The following MRPS27 variants were observed in gnomAD, a reference collection of about 807,000 sequenced individuals.
The protein encoded by MRPS27 is mitochondrial ribosomal protein S27, also known as small ribosomal subunit protein mS27.
MRPS27 carries 43 observed loss-of-function variants against 48.9 expected under a neutral mutation model. The ratio of observed to expected loss-of-function variants is 0.88; its 90% CI spans 0.69 to 1.13. The LOEUF (loss-of-function observed/expected upper bound fraction) is 1.13, where lower values mean the gene tolerates loss of function less well. Among genes scored for constraint, MRPS27 ranks in the 50% most tolerant of loss-of-function variants. MRPS27 has a pLI of 0.00. For missense variants in MRPS27, 467 were observed against 476.3 expected (o/e 0.98, Z 0.18); for synonymous variants, 188 against 171.9 (o/e 1.09, Z -0.73).
intron 2 of MRPS27, among the ~76,000 whole-genome samples, chr5:72,298,542 TAAAAATACA>T (rs1478996270): frequency 3.3e-5 from 5 of 151,454 alleles, no homozygotes; most frequent in Non-Finnish European, 5.9e-5. Context: ...CCGTCTCTAC[TAAAAATACA>T]AAAAATTAGC....
intron 4 of MRPS27, chr5:72,288,882 C>T (rs1749747064): frequency 6.6e-6 from 1 of 152,228 alleles, no homozygotes; most frequent in African/African-American, 2.4e-5. Context: ...TAAACGAATG[C>T]ATGCTGTTCC....
Position 72,223,904 on chromosome 5 carries a change from TGGTGAAGAAA to T in MRPS27, c.838-64_838-55del, listed in dbSNP as rs1747824941. 5 of 1,580,660 alleles carry T rather than the reference TGGTGAAGAAA, an allele frequency of 3.2e-6. No individual in the cohort carries two copies. The African/African-American group carries it at 5.4e-5, about 17-fold the overall frequency. On this transcript the variant is annotated intron_variant, in intron 9 of 10. Coordinates refer to ENST00000261413, the MANE Select transcript of MRPS27 (RefSeq NM_015084.3). Reference sequence around the variant, plus strand: ...AAATGTTTTATGGCCCAAAAGCACATGGTGAAGAAAGGCTAGAGAAGGCGAAAGAAAGGAA... The same window carrying T: ...AAATGTTTTATGGCCCAAAAGCACATGGCTAGAGAAGGCGAAAGAAAGGAA...
intron 4 of MRPS27, among the ~76,000 whole-genome samples, chr5:72,248,740 A>C (rs1383138059): frequency 6.6e-6 from 1 of 151,802 alleles, no homozygotes. Context: ...GGCTTAACTG[A>C]AGAAGTTTGA....
At chr5:72,264,549 T>C (rs1247919866) in intron 4 of MRPS27, among the ~76,000 whole-genome samples, 1 of 152,162 alleles carries the variant, frequency 6.6e-6, no homozygotes, top group Non-Finnish European at 1.5e-5. Flanking sequence ...CAAGTTAAGA[T>C]GAGGTCTTTG....
chr5:72,226,212 A>G lies in MRPS27; in HGVS notation c.695-13T>C. Reference sequence around the variant, plus strand: ...AACTCCACCTTCCCTGTGGCCAAAAAGAACAATAAAGAATGCTCAGCCATG... The same window carrying G: ...AACTCCACCTTCCCTGTGGCCAAAAGGAACAATAAAGAATGCTCAGCCATG... On this transcript the variant is annotated splice_polypyrimidine_tract_variant and intron_variant, in intron 8 of 10. Transcript: ENST00000261413. 1 of 1,613,118 alleles carries G rather than the reference A, an allele frequency of 6.2e-7. No homozygotes were observed. The highest frequency in any genetic ancestry group is 8.5e-7 in the Non-Finnish European group (1 of 1,179,278).
At chr5:72,256,336 C>T (rs1253625319) in intron 4 of MRPS27, among the ~76,000 whole-genome samples, 1 of 151,992 alleles carries the variant, frequency 6.6e-6, no homozygotes, top group Non-Finnish European at 1.5e-5. Context: ...ATTTTAAATA[C>T]TTATATGTAT....
At chr5:72,317,575 T>C (rs1750597299) in intron 1 of MRPS27, among the ~76,000 whole-genome samples, 2 of 152,106 alleles carry the variant, frequency 1.3e-5, no homozygotes, top group African/African-American at 4.8e-5. Flanking sequence ...ACAGGGTTTC[T>C]CCATGTTGGC....
rs147967592 is a variant in MRPS27 at position 72,253,590 on chromosome 5, C to T, written c.282-15462G>A. ...CCCTTTCACTTCTAACATCCTTCCA[C>T]CACAAAGGCCAAAAATAAATCACTG... On this transcript the variant is annotated intron_variant, in intron 4 of 10. Coordinates refer to ENST00000261413, the MANE Select transcript of MRPS27 (RefSeq NM_015084.3). 2.0e-5 allele frequency among the ~76,000 whole-genome samples: 3 copies of T among 152,266 alleles called. No homozygotes were observed. In the East Asian group the frequency reaches 5.8e-4, roughly 29 times the overall value.
chr5:72,252,851 G>C (rs1466313387), intron 4 of MRPS27, among the ~76,000 whole-genome samples: 1 of 152,114 alleles, frequency 6.6e-6, no homozygotes. Context: ...AATCCCCATA[G>C]GTCTTTTCTC....
chr5:72,221,170 A>C lies in MRPS27; in HGVS notation c.1006-22T>G, dbSNP rs191340940. The C allele has an allele frequency of 3.7e-6, 6 of 1,611,408 alleles. No individual in the cohort carries two copies. In the East Asian group the frequency reaches 1.3e-4, roughly 36 times the overall value. Reference sequence around the variant, plus strand: ...AGGCCTGTTGGAAACAAATGGGAAAAATGAGAAGAAAGGTAGAGAAGTGAG... The same window carrying C: ...AGGCCTGTTGGAAACAAATGGGAAACATGAGAAGAAAGGTAGAGAAGTGAG... On this transcript the variant is annotated intron_variant, in intron 10 of 10. Coordinates refer to ENST00000261413, the MANE Select transcript of MRPS27 (RefSeq NM_015084.3).
chr5:72,304,480 T>C (rs899390302), intron 2 of MRPS27, among the ~76,000 whole-genome samples: 10 of 152,292 alleles, frequency 6.6e-5, no homozygotes, highest in African/African-American at 2.2e-4. Flanking sequence ...TTGAAAATTA[T>C]TAAAAACACA....
At chr5:72,315,315 T>C (rs1449219692) in intron 1 of MRPS27, among the ~76,000 whole-genome samples, 3 of 151,986 alleles carry the variant, frequency 2.0e-5, no homozygotes, top group East Asian at 3.9e-4. Context: ...TAAAAACATA[T>C]ATACACTGAG....
intron 4 of MRPS27, among the ~76,000 whole-genome samples, chr5:72,278,857 T>G (rs2112030007): frequency 6.6e-6 from 1 of 152,338 alleles, no homozygotes; most frequent in Admixed American, 6.5e-5. Context: ...GGTATTCCAT[T>G]GTAAAAAAAA....
At chr5:72,270,666 T>C (rs537068683) in intron 4 of MRPS27, among the ~76,000 whole-genome samples, 1 of 152,212 alleles carries the variant, frequency 6.6e-6, no homozygotes, top group Non-Finnish European at 1.5e-5. Flanking sequence ...TGTGACATTA[T>C]ACAATCCTGA....
At chr5:72,311,373 C>T (rs930979740) in intron 2 of MRPS27, among the ~76,000 whole-genome samples, 1 of 152,162 alleles carries the variant, frequency 6.6e-6, no homozygotes, top group South Asian at 2.1e-4. Flanking sequence ...AAAATGGTAA[C>T]GACAGGTGAA....
At chr5:72,264,583 C>T (rs998797996) in intron 4 of MRPS27, among the ~76,000 whole-genome samples, 1 of 151,966 alleles carries the variant, frequency 6.6e-6, no homozygotes, top group Non-Finnish European at 1.5e-5. Context: ...GGGCTTAATC[C>T]AATACAATTG....
chr5:72,257,715 G>T (rs1483837381), intron 4 of MRPS27, among the ~76,000 whole-genome samples: 1 of 150,824 alleles, frequency 6.6e-6, no homozygotes, highest in Non-Finnish European at 1.5e-5. Flanking sequence ...TTTAAAAATG[G>T]CTATCTCAGT....
chr5:72,292,383 G>T (rs1268087068), intron 4 of MRPS27, among the ~76,000 whole-genome samples: 1 of 151,898 alleles, frequency 6.6e-6, no homozygotes, highest in East Asian at 1.9e-4. Context: ...ATAGACCACG[G>T]CCCAAATAAA....
chr5:72,254,386 T>C (rs1748740360), intron 4 of MRPS27, among the ~76,000 whole-genome samples: 1 of 151,786 alleles, frequency 6.6e-6, no homozygotes, highest in Non-Finnish European at 1.5e-5. Context: ...CATATATTAA[T>C]ATGTATAGAA....
Sources: allele counts gnomAD v4.1 joint callset (sites outside exome capture counted in the v4.1 genomes callset), GRCh38; gene constraint gnomAD v4.1.1; transcripts MANE v1.5; gene names NCBI Gene and HGNC (gene_info 2026-07-23, HGNC 2026-07-21).